The following SGCD variants were observed in gnomAD, a reference collection of about 807,000 sequenced individuals.
The protein encoded by SGCD is delta-sarcoglycan.
In SGCD, 18 loss-of-function variants were observed where a neutral mutation model predicts 36.6. The ratio of observed to expected loss-of-function variants is 0.49; its 90% CI spans 0.34 to 0.73. SGCD has a LOEUF of 0.73. SGCD is among the 30% of genes least tolerant of loss of function. The probability of loss-of-function intolerance (pLI) is 0.01; values close to 1 mark genes in which losing one functional copy is unlikely to be tolerated. For missense variants in SGCD, 387 were observed against 346.7 expected, an observed-to-expected ratio of 1.12 and a Z score of -0.92; for synonymous variants, 133 against 130.6, an observed-to-expected ratio of 1.02 and a Z score of -0.12.
chr5:156,601,857 TA>T (rs1282757285), intron 6 of SGCD, among the ~76,000 whole-genome samples: 1 of 150,710 alleles, frequency 6.6e-6, no homozygotes, highest in Non-Finnish European at 1.5e-5. Context: ...CTAATTTTTC[TA>T]TTTTTAGTAG....
intron 3 of SGCD, among the ~76,000 whole-genome samples, chr5:156,405,224 G>A (rs1772344689): frequency 6.6e-6 from 1 of 152,152 alleles, no homozygotes; most frequent in African/African-American, 2.4e-5. Context: ...TTTCAACCTT[G>A]TAAGACCCTC....
At chr5:156,442,826 C>T (rs988889284) in intron 3 of SGCD, among the ~76,000 whole-genome samples, 1 of 152,152 alleles carries the variant, frequency 6.6e-6, no homozygotes, top group Non-Finnish European at 1.5e-5. Context: ...TGTCCTTGCC[C>T]TTACAGGGCT....
At chr5:156,077,588 T>A (rs1760821007) in intron 1 of SGCD, among the ~76,000 whole-genome samples, 1 of 152,156 alleles carries the variant, frequency 6.6e-6, no homozygotes. Context: ...CACTTTTGAC[T>A]CATGGGGTAT....
At chr5:155,924,276 G>A (rs1422861793) in intron 1 of SGCD, among the ~76,000 whole-genome samples, 2 of 152,190 alleles carry the variant, frequency 1.3e-5, no homozygotes, top group Non-Finnish European at 2.9e-5. Context: ...GACAGAACAA[G>A]GAGGAGGAGG....
chr5:156,558,562 G>T (rs969437891), intron 4 of SGCD, among the ~76,000 whole-genome samples: 3 of 152,028 alleles, frequency 2.0e-5, no homozygotes, highest in African/African-American at 7.2e-5. Flanking sequence ...CACTCACCGG[G>T]GGTAGAAAGA....
chr5:156,703,559 A>G (rs1754614238), intron 7 of SGCD, among the ~76,000 whole-genome samples: 1 of 152,064 alleles, frequency 6.6e-6, no homozygotes, highest in African/African-American at 2.4e-5. Flanking sequence ...AAATAAAGGG[A>G]TTTATCCTTA....
At chr5:156,238,062 C>T (rs2127654684) in intron 3 of SGCD, among the ~76,000 whole-genome samples, 1 of 151,976 alleles carries the variant, frequency 6.6e-6, no homozygotes, top group Middle Eastern at 3.4e-3. Flanking sequence ...ATCTTCCCAC[C>T]TCCCTCCTGA....
intron 1 of SGCD, among the ~76,000 whole-genome samples, chr5:155,878,012 C>T (rs1192120522): frequency 6.6e-6 from 1 of 152,008 alleles, no homozygotes; most frequent in African/African-American, 2.4e-5. Flanking sequence ...TCCTATGACC[C>T]AGTTTCTTCC....
Position 155,892,531 on chromosome 5 carries a change from T to C in SGCD, c.-282+22107T>C, listed in dbSNP as rs764729753. On this transcript the variant is annotated intron_variant, in intron 1 of 9. Coordinates refer to the SGCD transcript ENST00000517913. ...AGTAGCAAGGAGGACACCTGCCCTA[T>C]GTAAAAGAATGTCTGAGAATCAGCT... is the stretch of plus-strand genomic sequence containing the variant. 3.1e-4 allele frequency among the ~76,000 whole-genome samples: 46 copies of C among 149,546 alleles called. 1 individual carries two copies. Among genetic ancestry groups the C allele is most frequent in the Middle Eastern group, 3.5e-3 (1 of 286 alleles).
chr5:156,591,149 G>T lies in SGCD; in HGVS notation c.382+1831G>T, dbSNP rs555402592. 1.2e-4 allele frequency among the ~76,000 whole-genome samples: 19 copies of T among 152,136 alleles called. No homozygotes were observed. In the South Asian group the frequency reaches 2.7e-3, roughly 22 times the overall value. On this transcript the variant is annotated intron_variant, in intron 5 of 8. Coordinates refer to ENST00000337851, the MANE Select transcript of SGCD (RefSeq NM_000337.6). Reference sequence around the variant, plus strand: ...AATGCACACAGTGGAAAAGCACCCAGCCATCCCAGCAGACAATACCTTCTA... The same window carrying T: ...AATGCACACAGTGGAAAAGCACCCATCCATCCCAGCAGACAATACCTTCTA...
chr5:155,848,771 C>T, the SGCD span, among the ~76,000 whole-genome samples: 1 of 152,066 alleles, frequency 6.6e-6, no homozygotes, highest in Non-Finnish European at 1.5e-5. Flanking sequence ...GCTCTTAGTA[C>T]AGTGTATTGC....
At chr5:156,300,529 A>T (rs1262178999) in intron 3 of SGCD, among the ~76,000 whole-genome samples, 1 of 152,096 alleles carries the variant, frequency 6.6e-6, no homozygotes, top group African/African-American at 2.4e-5. Context: ...TTGTGACCTA[A>T]CATATGGTCT....
chr5:155,742,312 T>C, the SGCD span, among the ~76,000 whole-genome samples: 1 of 152,196 alleles, frequency 6.6e-6, no homozygotes, highest in Non-Finnish European at 1.5e-5. Context: ...ATGCACTTTT[T>C]TCCACACAAT....
chr5:156,374,255 T>C (rs1181134516), intron 3 of SGCD, among the ~76,000 whole-genome samples: 1 of 152,130 alleles, frequency 6.6e-6, no homozygotes, highest in Non-Finnish European at 1.5e-5. Flanking sequence ...ACCCAAAACC[T>C]GTGCCACAGA....
the SGCD span, among the ~76,000 whole-genome samples, chr5:155,728,299 G>A: frequency 6.6e-6 from 1 of 152,136 alleles, no homozygotes; most frequent in Non-Finnish European, 1.5e-5. Context: ...TGCCGCTGCC[G>A]GAGCCCGAAC....
At chr5:156,553,523 A>G (rs1160533978) in intron 4 of SGCD, among the ~76,000 whole-genome samples, 3 of 151,872 alleles carry the variant, frequency 2.0e-5, no homozygotes, top group African/African-American at 4.8e-5. Context: ...TTTTTCATAT[A>G]TTTTCTATTT....
the SGCD span, among the ~76,000 whole-genome samples, chr5:155,740,510 C>T: frequency 3.9e-4 from 60 of 152,210 alleles, no homozygotes; most frequent in African/African-American, 1.4e-3. Context: ...TCAAATTGGG[C>T]CTGCCAGCTT....
At chr5:156,268,458 G>A (rs537637518) in intron 3 of SGCD, among the ~76,000 whole-genome samples, 5 of 152,276 alleles carry the variant, frequency 3.3e-5, no homozygotes, top group African/African-American at 1.2e-4. Flanking sequence ...TAGTGTATAA[G>A]TGTTCCCTTT....
At chr5:156,272,428 G>A (rs1281228657) in intron 3 of SGCD, among the ~76,000 whole-genome samples, 2 of 152,142 alleles carry the variant, frequency 1.3e-5, no homozygotes, top group East Asian at 3.9e-4. Context: ...TTGGTTGATG[G>A]GCACTTACGT....
Sources: gnomAD v4.1 joint callset for allele counts (sites outside exome capture counted in the v4.1 genomes callset) on GRCh38, gnomAD v4.1.1 for gene constraint, MANE v1.5 for transcripts, NCBI Gene and HGNC (gene_info 2026-07-23, HGNC 2026-07-21) for gene names.